Variants in DONSON observed in about 807,000 individuals in gnomAD.
The protein encoded by DONSON is protein downstream neighbor of Son.
DONSON carries 43 observed loss-of-function variants against 62.1 expected under a neutral mutation model. That is an observed-to-expected ratio of 0.69 (90% CI 0.54 to 0.89). The LOEUF is 0.89. Ranked by LOEUF, DONSON falls within the 40% of genes least tolerant of loss-of-function variation. The probability of loss-of-function intolerance (pLI) is 0.00; values close to 1 mark genes in which losing one functional copy is unlikely to be tolerated. For missense variants in DONSON, 696 were observed against 697.5 expected (o/e 1.00, Z 0.03); for synonymous variants, 266 against 264.6 (o/e 1.01, Z -0.05).
chr21:33,587,711 C>G, intron 1 of DONSON, 109 bp from the exon 2 acceptor site: 1 of 680,660 alleles, frequency 1.5e-6, no homozygotes, highest in East Asian at 2.9e-5. Flanking sequence ...GCAAGTACAC[C>G]TAAATTCAGA....
chr21:33,583,035 A>C (rs927794128), intron 5 of DONSON, among the ~76,000 whole-genome samples: 10 of 151,828 alleles, frequency 6.6e-5, no homozygotes, highest in Admixed American at 5.2e-4. Flanking sequence ...CCCCGTCTCT[A>C]CTAAAAATAC....
intron 1 of DONSON, 139 bp downstream of exon 1, chr21:33,588,182 T>C (rs1484868326): frequency 7.6e-6 from 5 of 662,196 alleles, no homozygotes; most frequent in African/African-American, 1.9e-5. Flanking sequence ...CAGGGCGGGG[T>C]ACCCTAAGGC....
chr21:33,584,437 AGTTTATAT>A (rs1440271785), intron 4 of DONSON, among the ~76,000 whole-genome samples, 145 bp downstream of exon 4: 3 of 152,088 alleles, frequency 2.0e-5, no homozygotes, highest in Non-Finnish European at 4.4e-5. Context: ...AAAAGTAAAC[AGTTTATAT>A]GTTGGTTATT....
chr21:33,588,466 G>A lies in DONSON; in HGVS notation c.176C>T (p.Pro59Leu), dbSNP rs1168128657. ...LVAGLPLRPF[P>L]AAGGRGGGSG... The stretch of plus-strand genomic sequence containing the variant: ...GCCACCGCCTCTGCCCCCCGCAGCA[G>A]GGAAAGGGCGAAGAGGCAGCCCCGC... Residue 59 changes from proline to leucine, a missense_variant, in exon 1 of 10, where the codon CCT becomes CTT. By Grantham distance (98) the Pro-to-Leu change is moderately conservative. Coordinates refer to ENST00000303071, the MANE Select transcript of DONSON (RefSeq NM_017613.4). 7.7e-7 allele frequency: 1 copy of A among 1,292,846 alleles called. No individual in the cohort carries two copies. 80.1% of individuals were successfully genotyped at this position (1,292,846 alleles called of 1,614,324 possible).
intron 4 of DONSON, among the ~76,000 whole-genome samples, chr21:33,584,020 ATATAT>A (rs2086548277): frequency 1.3e-5 from 1 of 79,584 alleles, no homozygotes; most frequent in African/African-American, 5.2e-5. Context: ...GTGTTTATAT[ATATAT>A]ATATATATAT....
chr21:33,580,574 G>GT (rs1165800091), intron 8 of DONSON, among the ~76,000 whole-genome samples: 3 of 146,690 alleles, frequency 2.0e-5, no homozygotes, highest in Admixed American at 6.9e-5. Flanking sequence ...AGCCCACATG[G>GT]TTGAGGCTGC....
In DONSON at chr21:33,581,968, G is replaced by A; in HGVS notation, c.1134C>T (p.Asp378=). 1 of 1,614,062 alleles carries A rather than the reference G, an allele frequency of 6.2e-7. No individual in the cohort carries two copies. Among genetic ancestry groups the A allele is most frequent in the South Asian group, 1.1e-5 (1 of 91,082 alleles). ...MGVQDKIKKP[D]ILSIKLRKEK... ...AAGGATACAGCTTGATAGAAAGTAT[G>A]TCTGGCTTTTTAATTTTATCTTGCA... Residue 378 remains aspartate, a synonymous_variant, in exon 7 of 10, where the codon GAC becomes GAT. Transcript: ENST00000303071.
At chr21:33,584,825 A>G in intron 3 of DONSON, 57 bp from the exon 4 acceptor site, 7 of 1,349,966 alleles carry the variant, frequency 5.2e-6, no homozygotes, top group Non-Finnish European at 5.9e-6. Flanking sequence ...AGAGAATTTT[A>G]TTAAAGACAA....
intron 8 of DONSON, 196 bp from the exon 9 acceptor site, chr21:33,579,758 A>T: frequency 1.9e-6 from 1 of 523,968 alleles, no homozygotes; most frequent in Non-Finnish European, 3.4e-6. Flanking sequence ...TTTCCATATT[A>T]AGAGATTTTC....
chr21:33,578,544 A>G, intron 9 of DONSON, 100 bp from the exon 10 acceptor site: 1 of 1,267,068 alleles, frequency 7.9e-7, no homozygotes, highest in Middle Eastern at 2.4e-4. Context: ...ATGGCTGATT[A>G]ATGTGATTCA....
At chr21:33,586,369 T>G (rs904540061) in intron 2 of DONSON, among the ~76,000 whole-genome samples, 188 bp from the exon 3 acceptor site, 1 of 152,198 alleles carries the variant, frequency 6.6e-6, no homozygotes, top group Admixed American at 6.5e-5. Flanking sequence ...TAACCATGGT[T>G]ACCTATGGGA....
At chr21:33,582,931 G>T (rs1445041001) in intron 5 of DONSON, among the ~76,000 whole-genome samples, 1 of 152,022 alleles carries the variant, frequency 6.6e-6, no homozygotes, top group East Asian at 1.9e-4. Context: ...TCCGGGCGCG[G>T]TGGCTCACGC....
intron 5 of DONSON, 104 bp from the exon 6 acceptor site, chr21:33,582,350 GATCT>G (rs2086522746): frequency 1.2e-6 from 1 of 866,044 alleles, no homozygotes; most frequent in Non-Finnish European, 1.8e-6. Flanking sequence ...TTTTACAAAT[GATCT>G]ATTAAGGCAG....
chr21:33,586,886 T>C (rs924137909), intron 2 of DONSON, among the ~76,000 whole-genome samples: 7 of 152,194 alleles, frequency 4.6e-5, no homozygotes, highest in African/African-American at 1.7e-4. Flanking sequence ...GTGATCCGCC[T>C]GCTTCAGCCT....
In DONSON at chr21:33,578,093, A is replaced by T; in HGVS notation, c.*214T>A. On this transcript the variant is annotated 3_prime_UTR_variant, in exon 10 of 10. Coordinates refer to ENST00000303071, the MANE Select transcript of DONSON (RefSeq NM_017613.4). ...CTCAATATACAATTAGGTTGTAGGG[A>T]TATAGATATCTCATTTGAGTTATCT... The T allele has an allele frequency of 2.0e-6, 1 of 489,822 alleles. No individual in the cohort carries two copies. The highest frequency in any genetic ancestry group is 3.6e-6 in the Non-Finnish European group (1 of 279,364). 30.3% of individuals were successfully genotyped at this position (489,822 alleles called of 1,614,324 possible). A position where few individuals can be genotyped will look rare whatever the true frequency, so the allele number is the denominator to read the frequency against.
Position 33,581,979 on chromosome 21 carries a change from T to A in DONSON, c.1123A>T (p.Lys375Ter). ...TTGATAGAAAGTATGTCTGGCTTTT[T>A]AATTTTATCTTGCACACCCATCTCT... is the stretch of plus-strand genomic sequence containing the variant. ...LEEMGVQDKIKKPDILSIKLR... is the reference protein window; with the variant it reads ...LEEMGVQDKI Residue 375 changes from lysine to a stop codon, truncating the protein, a stop_gained, in exon 7 of 10, where the codon AAA becomes TAA. Coordinates refer to ENST00000303071, the MANE Select transcript of DONSON (RefSeq NM_017613.4). LOFTEE classifies it high-confidence loss of function. 1 of 1,614,176 alleles carries A rather than the reference T, an allele frequency of 6.2e-7. No individual in the cohort carries two copies. Among genetic ancestry groups the A allele is most frequent in the Non-Finnish European group, 8.5e-7 (1 of 1,180,002 alleles).
Position 33,578,427 on chromosome 21 carries a change from C to G in DONSON, c.1581G>C (p.Glu527Asp). 1 of 1,613,634 alleles carries G rather than the reference C, an allele frequency of 6.2e-7. No homozygotes were observed. Among genetic ancestry groups the G allele is most frequent in the Non-Finnish European group, 8.5e-7 (1 of 1,179,782 alleles). Residue 527 changes from glutamate (E) to aspartate (D), a missense_variant, in exon 10 of 10, where the codon GAG (glutamate) becomes GAC (aspartate). Physicochemically the swap from Glu to Asp is conservative, Grantham distance 45. Coordinates refer to ENST00000303071, the MANE Select transcript of DONSON (RefSeq NM_017613.4). ...TAGGGTGCAAACCACAGTTAGTAAG[C>G]TCCTTATGAACAACCTCCTGTGGAA... ...KVLDMEVVHK[E>D]LTNCGLHPNT... is the part of the protein sequence containing the mutation.
At chr21:33,584,819 A>T (rs111603233) in intron 3 of DONSON, 51 bp from the exon 4 acceptor site, 2 of 1,381,144 alleles carry the variant, frequency 1.4e-6, no homozygotes, top group Non-Finnish European at 1.9e-6. Flanking sequence ...AGAAATAGAG[A>T]ATTTTATTAA....
chr21:33,586,172 C>T lies in DONSON; in HGVS notation c.412G>A (p.Val138Ile). ...TVTELPQTSH[V>I]SFSEPDIPSS... ...GGAATATCAGGCTCGGAGAATGATA[C>T]ATGTGAAGTCTTTAGAAAACAAAGA... The change falls in exon 3 of 10, where the codon GTA (valine) becomes ATA (isoleucine). Residue 138 changes from valine (V) to isoleucine (I), a missense_variant. Physicochemically the swap from Val to Ile is conservative, Grantham distance 29. Coordinates refer to ENST00000303071, the MANE Select transcript of DONSON (RefSeq NM_017613.4). 1 of 1,613,908 alleles carries T rather than the reference C, an allele frequency of 6.2e-7. No homozygotes were observed. The highest frequency in any genetic ancestry group is 8.5e-7 in the Non-Finnish European group (1 of 1,179,856).
Sources: gnomAD v4.1 joint callset for allele counts (sites outside exome capture counted in the v4.1 genomes callset) on GRCh38, gnomAD v4.1.1 for gene constraint, MANE v1.5 for transcripts, NCBI Gene and HGNC (gene_info 2026-07-23, HGNC 2026-07-21) for gene names.